SSUH2: variants seen among roughly 807,000 people sequenced by gnomAD.
The protein encoded by SSUH2 is ssu-2 homolog, also known as protein SSUH2 homolog.
SSUH2 carries 47 observed loss-of-function variants against 55.3 expected under a neutral mutation model. The observed-to-expected ratio is 0.85, with a 90% confidence interval of 0.67 to 1.08. The LOEUF is 1.08. Among genes scored for constraint, SSUH2 ranks in the 50% least tolerant of loss-of-function variants. SSUH2 has a pLI of 0.00. For synonymous variants in SSUH2, 212 were observed against 191.5 expected, an observed-to-expected ratio of 1.11 and a Z score of -0.89; for missense variants, 535 against 490.7, an observed-to-expected ratio of 1.09 and a Z score of -0.85.
chr3:8,646,284 G>A (rs960565269), upstream of SSUH2, among the ~76,000 whole-genome samples: 3 of 152,152 alleles, frequency 2.0e-5, no homozygotes, highest in South Asian at 4.1e-4. Context: ...CAAAATGCTT[G>A]CAACTTAACT....
At chr3:8,625,686 T>A in intron 9 of SSUH2, 39 bp from the exon 10 acceptor site, 4 of 1,447,172 alleles carry the variant, frequency 2.8e-6, no homozygotes, top group Non-Finnish European at 2.9e-6. Context: ...GCACACAGTG[T>A]GGCAGGTTAA....
intron 1 of SSUH2, among the ~76,000 whole-genome samples, chr3:8,680,703 C>A (rs1705879525): frequency 6.6e-6 from 1 of 152,014 alleles, no homozygotes; most frequent in Non-Finnish European, 1.5e-5. Context: ...AGTCATATCA[C>A]CCCCTCCGCC....
chr3:8,675,189 CT>C (rs1307879749), intron 3 of SSUH2, among the ~76,000 whole-genome samples: 2 of 152,216 alleles, frequency 1.3e-5, no homozygotes, highest in African/African-American at 4.8e-5. Flanking sequence ...GCTGGTTCAC[CT>C]GCTTGGACCT....
intron 5 of SSUH2, among the ~76,000 whole-genome samples, chr3:8,665,065 G>A (rs1300750334): frequency 6.6e-6 from 1 of 152,112 alleles, no homozygotes; most frequent in Admixed American, 6.5e-5. Flanking sequence ...CGAATTTTCT[G>A]CTTCATGTTT....
At chr3:8,658,526 T>A (rs926103659) in intron 7 of SSUH2, among the ~76,000 whole-genome samples, 1 of 152,186 alleles carries the variant, frequency 6.6e-6, no homozygotes, top group Non-Finnish European at 1.5e-5. Context: ...GTAAACTCTG[T>A]GATGCATTCT....
At chr3:8,661,525 C>T (rs1703487265) in intron 6 of SSUH2, among the ~76,000 whole-genome samples, 1 of 152,204 alleles carries the variant, frequency 6.6e-6, no homozygotes, top group African/African-American at 2.4e-5. Flanking sequence ...TTTACCCTAC[C>T]TGCAAGCCAA....
chr3:8,679,579 CT>C (rs1391042453), intron 2 of SSUH2: 11 of 161,138 alleles, frequency 6.8e-5, no homozygotes, highest in East Asian at 2.0e-4. Context: ...TCTTCCCCCC[CT>C]GGCTCTTGGG....
intron 10 of SSUH2, among the ~76,000 whole-genome samples, chr3:8,624,415 G>C (rs772124140): frequency 6.6e-6 from 1 of 152,168 alleles, no homozygotes; most frequent in Non-Finnish European, 1.5e-5. Context: ...GAGCCCAGGG[G>C]GAAATCCCTA....
At chr3:8,676,672 C>T (rs572278735) in intron 3 of SSUH2, among the ~76,000 whole-genome samples, 1 of 151,124 alleles carries the variant, frequency 6.6e-6, no homozygotes, top group South Asian at 2.1e-4. Flanking sequence ...TCATCCTCTC[C>T]CTTTCAGGAT....
intron 1 of SSUH2, among the ~76,000 whole-genome samples, chr3:8,642,066 A>G (rs1240909361): frequency 6.6e-6 from 1 of 152,224 alleles, no homozygotes; most frequent in African/African-American, 2.4e-5. Context: ...CCCATGTCTT[A>G]TAGTCCTAGA....
chr3:8,668,847 A>G (rs1354698433), intron 5 of SSUH2, among the ~76,000 whole-genome samples: 1 of 150,076 alleles, frequency 6.7e-6, no homozygotes, highest in East Asian at 2.0e-4. Context: ...CATGTTATTC[A>G]TGTTATTTTC....
intron 7 of SSUH2, among the ~76,000 whole-genome samples, chr3:8,654,078 G>T (rs1422929305): frequency 3.9e-5 from 6 of 152,232 alleles, no homozygotes; most frequent in African/African-American, 1.2e-4. Context: ...TGGATGGCTG[G>T]AATTCCAAGA....
At chr3:8,658,040 C>T (rs2125351210) in intron 7 of SSUH2, among the ~76,000 whole-genome samples, 1 of 152,348 alleles carries the variant, frequency 6.6e-6, no homozygotes, top group Non-Finnish European at 1.5e-5. Flanking sequence ...GAAGAGCATC[C>T]ACTCTGCAGT....
At chr3:8,676,881 C>CT (rs772854653) in intron 3 of SSUH2, among the ~76,000 whole-genome samples, 1 of 146,420 alleles carries the variant, frequency 6.8e-6, no homozygotes, top group African/African-American at 2.5e-5. Context: ...AGGCATCCCC[C>CT]GTGAGGCGGG....
At chr3:8,626,928 C>T (rs1353290361) in intron 8 of SSUH2, 1 of 152,182 alleles carries the variant, frequency 6.6e-6, no homozygotes, top group African/African-American at 2.4e-5. Flanking sequence ...GCCTGTAAAT[C>T]GACTTTTTTT....
Position 8,625,623 on chromosome 3 carries a change from C to A in SSUH2, c.792G>T (p.Val264=), listed in dbSNP as rs1159572486. 1.2e-6 allele frequency: 2 copies of A among 1,613,700 alleles called. No individual in the cohort carries two copies. Among genetic ancestry groups the A allele is most frequent in the Non-Finnish European group, 1.7e-6 (2 of 1,179,782 alleles). Reference sequence around the variant, plus strand: ...TGGGGCAGTTGAGCCGGTGCTCAGACACAAACTCAAACAAGCTGTTCTTCC... The same window carrying A: ...TGGGGCAGTTGAGCCGGTGCTCAGAAACAAACTCAAACAAGCTGTTCTTCC... The part of the protein sequence containing the change: ...IMWKNSLFEF[V]SEHRLNCPRE... The change falls in exon 10 of 12, where the codon GTG becomes GTT. Residue 264 remains valine, a synonymous_variant. Coordinates refer to ENST00000544814, the MANE Select transcript of SSUH2 (RefSeq NM_001256748.3).
Position 8,644,724 on chromosome 3 carries a change from T to C in SSUH2, c.28+7A>G, listed in dbSNP as rs894108169. 2 of 1,535,828 alleles carry C rather than the reference T, an allele frequency of 1.3e-6. No homozygotes were observed. Among genetic ancestry groups the C allele is most frequent in the African/African-American group, 1.4e-5 (1 of 73,046 alleles). ...GTCTTCCGTGCCATCTTTGAGGCTC[T>C]ACTTACTGTCATCTTCATTCAGATC... is the stretch of plus-strand genomic sequence containing the variant. On this transcript the variant is annotated splice_region_variant and intron_variant, in intron 1 of 11. Transcript: ENST00000544814.
intron 5 of SSUH2, among the ~76,000 whole-genome samples, chr3:8,665,587 A>G (rs1008030988): frequency 2.6e-5 from 4 of 152,204 alleles, no homozygotes; most frequent in African/African-American, 9.6e-5. Flanking sequence ...CATTGTAGGG[A>G]AAGACCACAG....
In SSUH2 at chr3:8,625,545, C is replaced by T. The variant is rs747197451; in HGVS notation, c.870G>A (p.Ser290=). 5.6e-6 allele frequency: 9 copies of T among 1,608,120 alleles called. No individual in the cohort carries two copies. Among genetic ancestry groups the T allele is most frequent in the South Asian group, 5.5e-5 (5 of 90,862 alleles). The part of the protein sequence containing the change: ...KGENLFKDEN[S]VVYPIVDFPL... ...CCCATCTACAATGCCCTCTTACCAC[C>T]GAGTTTTCATCCTTAAAGAGGTTTT... is the stretch of plus-strand genomic sequence containing the variant. The change falls in exon 10 of 12, where the codon TCG becomes TCA. Residue 290 remains serine (S), a synonymous_variant. Coordinates refer to ENST00000544814, the MANE Select transcript of SSUH2 (RefSeq NM_001256748.3).
Sources: allele counts gnomAD v4.1 joint callset (sites outside exome capture counted in the v4.1 genomes callset), GRCh38; gene constraint gnomAD v4.1.1; transcripts MANE v1.5; gene names NCBI Gene and HGNC (gene_info 2026-07-23, HGNC 2026-07-21).